The following APOBEC3B variants were observed in gnomAD, a reference collection of about 807,000 sequenced individuals.
The protein encoded by APOBEC3B is DNA dC->dU-editing enzyme APOBEC-3B.
APOBEC3B carries 29 observed loss-of-function variants against 53.4 expected under a neutral mutation model. That is an observed-to-expected ratio of 0.54 (90% CI 0.40 to 0.74). The LOEUF is 0.74. Ranked by LOEUF, APOBEC3B falls within the 30% of genes least tolerant of loss-of-function variation. APOBEC3B has a pLI of 0.00. For synonymous variants in APOBEC3B, 132 were observed against 184.8 expected (o/e 0.71, Z 2.32); for missense variants, 347 against 496.2 (o/e 0.70, Z 2.86).
At chr22:38,983,090 G>A (rs1044843619) in intron 1 of APOBEC3B, among the ~76,000 whole-genome samples, 4 of 148,088 alleles carry the variant, frequency 2.7e-5, no homozygotes, top group Admixed American at 6.9e-5. Flanking sequence ...AGGCCAAGGC[G>A]GGCGGATCAT....
In APOBEC3B at chr22:38,989,194, G is replaced by A. The variant is rs182163749; in HGVS notation, c.570-263G>A. ...GGAGAGGGGCAGGGTCCTCCCCGGA[G>A]GGCCTGAGCACACTGAGCTGACCCT... is the stretch of plus-strand genomic sequence containing the variant. On this transcript the variant is annotated intron_variant, in intron 4 of 7. Transcript: ENST00000333467. Among the ~76,000 whole-genome samples, 580 of 148,154 alleles carry A rather than the reference G, an allele frequency of 3.9e-3. 48 individuals are homozygous for A. Among genetic ancestry groups the A allele is most frequent in the Non-Finnish European group, 7.1e-3 (474 of 67,114 alleles).
intron 2 of APOBEC3B, 145 bp downstream of exon 2, chr22:38,984,376 A>G: frequency 9.2e-7 from 1 of 1,086,174 alleles, no homozygotes; most frequent in Non-Finnish European, 1.3e-6. Context: ...CTTAACAAAG[A>G]CAGACTGAGG....
Position 38,988,125 on chromosome 22 carries a change from C to G in APOBEC3B, c.570-1332C>G, listed in dbSNP as rs764856130. The stretch of plus-strand genomic sequence containing the variant: ...TAAAAAGGAGACAAGAACTCCTCTT[C>G]GAGCTTTTCTGATGAGCACTCACCT... On this transcript the variant is annotated intron_variant, in intron 4 of 7. Coordinates refer to ENST00000333467, the MANE Select transcript of APOBEC3B (RefSeq NM_004900.5). 2.0e-5 allele frequency among the ~76,000 whole-genome samples: 3 copies of G among 148,458 alleles called. 1 individual carries two copies. Among genetic ancestry groups the G allele is most frequent in the African/African-American group, 7.4e-5 (3 of 40,772 alleles).
chr22:38,988,623 TCCTTCCTTCCTC>T lies in APOBEC3B; in HGVS notation c.570-822_570-811del, dbSNP rs1267326924. On this transcript the variant is annotated intron_variant, in intron 4 of 7. Transcript: ENST00000333467. ...GAAATTGTGGCAAACAGAGATTCCT[TCCTTCCTTCCTC>T]CCTTCCTTCCTTCCTTCCTTCCTTG... Among the ~76,000 whole-genome samples the T allele has an allele frequency of 1.4e-5, 2 of 145,686 alleles. 1 individual carries two copies. Among genetic ancestry groups the T allele is most frequent in the Admixed American group, 1.4e-4 (2 of 14,058 alleles).
At chr22:38,991,072 A>G (rs991106117) in intron 5 of APOBEC3B, among the ~76,000 whole-genome samples, 1 of 147,648 alleles carries the variant, frequency 6.8e-6, no homozygotes, top group African/African-American at 2.5e-5. Context: ...TGTCCTGTGT[A>G]TATTGGAGCT....
intron 4 of APOBEC3B, among the ~76,000 whole-genome samples, chr22:38,988,683 C>CTCTCTCTTTCTTTCTTTCTTTCTT (rs1555894372): frequency 4.2e-5 from 2 of 47,512 alleles, no homozygotes; most frequent in Non-Finnish European, 7.7e-5. Flanking sequence ...TTCTCTCTTT[C>CTCTCTCTTTCTTTCTTTCTTTCTT]TCTTTCTTTC....
rs994097293 is a variant in APOBEC3B at position 38,991,963 on chromosome 22, G to C, written c.1019-71G>C. Reference sequence around the variant, plus strand: ...CCAGGATGTGGGAAGTCTGTCCTGAGAGTCATGGGCCCTTGGTGCTGCCCC... The same window carrying C: ...CCAGGATGTGGGAAGTCTGTCCTGACAGTCATGGGCCCTTGGTGCTGCCCC... On this transcript the variant is annotated intron_variant, in intron 6 of 7. Transcript: ENST00000333467. 4.8e-5 allele frequency: 71 copies of C among 1,476,380 alleles called. 2 individuals carry two copies. The African/African-American group carries it at 8.8e-4, about 18-fold the overall frequency. 91.5% of individuals were successfully genotyped at this position (1,476,380 alleles called of 1,614,324 possible). A position where few individuals can be genotyped will look rare whatever the true frequency, so the allele number is the denominator to read the frequency against.
Position 38,988,683 on chromosome 22 carries a change from C to CTCCCTTTCTTTCTTTCTT in APOBEC3B, c.570-772_570-771insCCTTTCTTTCTTTCTTTC, listed in dbSNP as rs1721476755. On this transcript the variant is annotated intron_variant, in intron 4 of 7. Coordinates refer to ENST00000333467, the MANE Select transcript of APOBEC3B (RefSeq NM_004900.5). Reference sequence around the variant, plus strand: ...TTGCTTCCTCTCTCTTTCTCTCTTTCTCTTTCTTTCTTTCTTTCTTTCTTT... The same window carrying CTCCCTTTCTTTCTTTCTT: ...TTGCTTCCTCTCTCTTTCTCTCTTTCTCCCTTTCTTTCTTTCTTTCTTTCTTTCTTTCTTTCTTTCTTT... 6.3e-5 allele frequency among the ~76,000 whole-genome samples: 3 copies of CTCCCTTTCTTTCTTTCTT among 47,512 alleles called. 1 individual carries two copies. The highest frequency in any genetic ancestry group is 5.3e-4 in the Admixed American group (2 of 3,794). 31.2% of individuals were successfully genotyped at this position (47,512 alleles called of 152,430 possible).
At chr22:38,984,895 CTTTTTTT>C (rs11308471) in intron 2 of APOBEC3B, among the ~76,000 whole-genome samples, 930 of 84,830 alleles carry the variant, frequency 0.011, 40 homozygotes, top group African/African-American at 0.036. Flanking sequence ...TCTTTTTTTC[CTTTTTTT>C]TTTTTTTTTT....
At position 38,982,404 on chromosome 22, in the gene APOBEC3B, A is replaced by C. The variant is rs2146286444; in HGVS notation, c.-50A>C. ...CTGTAAGCAGGAAGTGAAACCACAG[A>C]GCTTCAAAAAAAGAGCGGGACAGGG... is the stretch of plus-strand genomic sequence containing the variant. On this transcript the variant is annotated 5_prime_UTR_variant, in exon 1 of 8. Transcript: ENST00000333467. 8.2e-6 allele frequency: 13 copies of C among 1,591,142 alleles called. 2 individuals are homozygous for C. Among genetic ancestry groups the C allele is most frequent in the Non-Finnish European group, 1.1e-5 (13 of 1,170,636 alleles).
rs1923822702 is a variant in APOBEC3B, at chr22:38,988,415, A to G, written c.570-1042A>G. ...AAATGAGCATCTACTATTTCTTGCAAATGTTCCATGTCTCTGGACTTGGCC... is the reference window on the plus strand; with the variant it reads ...AAATGAGCATCTACTATTTCTTGCAGATGTTCCATGTCTCTGGACTTGGCC... On this transcript the variant is annotated intron_variant, in intron 4 of 7. Coordinates refer to ENST00000333467, the MANE Select transcript of APOBEC3B (RefSeq NM_004900.5). 1.3e-5 allele frequency among the ~76,000 whole-genome samples: 2 copies of G among 148,820 alleles called. 1 individual carries two copies. Among genetic ancestry groups the G allele is most frequent in the Non-Finnish European group, 3.0e-5 (2 of 67,366 alleles).
In APOBEC3B at chr22:38,985,543, C is replaced by G. The variant is rs1923699323; in HGVS notation, c.175-269C>G. Reference sequence around the variant, plus strand: ...GGGGCTGAAGTCACCCTTGAATAACCACAGCAGTGGCACCCACAAAGGTGC... The same window carrying G: ...GGGGCTGAAGTCACCCTTGAATAACGACAGCAGTGGCACCCACAAAGGTGC... On this transcript the variant is annotated intron_variant, in intron 2 of 7. Transcript: ENST00000333467. Among the ~76,000 whole-genome samples the G allele has an allele frequency of 1.3e-5, 2 of 148,756 alleles. 1 individual carries two copies. The highest frequency in any genetic ancestry group is 4.4e-4 in the South Asian group (2 of 4,552).
chr22:38,990,768 C>G (rs896918255), intron 5 of APOBEC3B, among the ~76,000 whole-genome samples: 2 of 145,660 alleles, frequency 1.4e-5, no homozygotes, highest in African/African-American at 5.1e-5. Context: ...GGTCAATCTC[C>G]CCTTGAAGGA....
In APOBEC3B at chr22:38,990,552, T is replaced by C. The variant is rs1302893534; in HGVS notation, c.724-780T>C. 1.4e-5 allele frequency among the ~76,000 whole-genome samples: 2 copies of C among 147,918 alleles called. 1 individual carries two copies. The highest frequency in any genetic ancestry group is 3.0e-5 in the Non-Finnish European group (2 of 67,358). ...AATACCATATTTCTATAAGTCAAAA[T>C]AATGACAATTATACCATGTCACAGG... On this transcript the variant is annotated intron_variant, in intron 5 of 7. Coordinates refer to ENST00000333467, the MANE Select transcript of APOBEC3B (RefSeq NM_004900.5).
chr22:38,990,814 T>C (rs2413555), intron 5 of APOBEC3B, among the ~76,000 whole-genome samples: 40,631 of 141,290 alleles, frequency 0.29, 7,451 homozygotes, highest in African/African-American at 0.33. Context: ...CCAATGACCT[T>C]GGGGCTCCGC....
rs765652371 is a variant in APOBEC3B at position 38,989,615 on chromosome 22, C to T, written c.723+5C>T. ...ATGGGCTTTCTATGCAACGAGGTGACCGACCCAGCCACCTGCATCCAGGCA... is the reference window on the plus strand; with the variant it reads ...ATGGGCTTTCTATGCAACGAGGTGATCGACCCAGCCACCTGCATCCAGGCA... On this transcript the variant is annotated splice_donor_5th_base_variant and intron_variant, in intron 5 of 7. Transcript: ENST00000333467. 4.2e-5 allele frequency: 65 copies of T among 1,561,812 alleles called. 6 individuals carry two copies. The highest frequency in any genetic ancestry group is 5.5e-5 in the Non-Finnish European group (63 of 1,151,186).
chr22:38,985,518 G>A (rs540797648), intron 2 of APOBEC3B, among the ~76,000 whole-genome samples: 1 of 148,730 alleles, frequency 6.7e-6, no homozygotes, highest in South Asian at 2.2e-4. Context: ...GACAGAAAGA[G>A]GGGCTGAAGT....
intron 1 of APOBEC3B, 84 bp downstream of exon 1, chr22:38,982,554 C>T: frequency 6.6e-7 from 1 of 1,511,546 alleles, no homozygotes; most frequent in Non-Finnish European, 9.0e-7. Context: ...TGGCCTCCCC[C>T]CGCCCCTGCC....
At chr22:38,986,763 T>G (rs1456945643) in intron 4 of APOBEC3B, among the ~76,000 whole-genome samples, 1 of 148,724 alleles carries the variant, frequency 6.7e-6, no homozygotes, top group Non-Finnish European at 1.5e-5. Flanking sequence ...GCAGGAGATG[T>G]GGAAGGAAGG....
Sources: gnomAD v4.1 joint callset for allele counts (sites outside exome capture counted in the v4.1 genomes callset) on GRCh38, gnomAD v4.1.1 for gene constraint, MANE v1.5 for transcripts, NCBI Gene and HGNC (gene_info 2026-07-23, HGNC 2026-07-21) for gene names.